The following TCERG1L variants were observed in gnomAD, a reference collection of about 807,000 sequenced individuals.
TCERG1L encodes transcription elongation regulator 1-like protein.
A neutral mutation model predicts 56.3 loss-of-function variants in TCERG1L; 37 were observed. The observed-to-expected ratio is 0.66, with a 90% confidence interval of 0.51 to 0.87. The LOEUF (loss-of-function observed/expected upper bound fraction) is 0.87, where lower values mean the gene tolerates loss of function less well. TCERG1L is among the 40% of genes least tolerant of loss of function. TCERG1L has a pLI of 0.00. For synonymous variants in TCERG1L, 324 were observed against 326.3 expected (o/e 0.99, Z 0.08); for missense variants, 799 against 774.2 (o/e 1.03, Z -0.38).
chr10:131,224,931 G>A lies in TCERG1L; in HGVS notation c.856+35328C>T, dbSNP rs1236684258. On this transcript the variant is annotated intron_variant, in intron 4 of 11. Transcript: ENST00000368642. ...ATAAGTAGAATGTCTCTCTTTACTA[G>A]TGGAGGTAATAATGTAGTTTGTAAT... 2.0e-5 allele frequency among the ~76,000 whole-genome samples: 3 copies of A among 152,204 alleles called. No individual in the cohort carries two copies. In the East Asian group the frequency reaches 5.8e-4, roughly 29 times the overall value.
At position 131,176,845 on chromosome 10, in the gene TCERG1L, C is replaced by CACACAGAG. The variant is rs766078845; in HGVS notation, c.857-9961_857-9960insCTCTGTGT. Among the ~76,000 whole-genome samples the CACACAGAG allele has an allele frequency of 2.1e-3, 18 of 8,618 alleles. 1 individual carries two copies. The highest frequency in any genetic ancestry group is 6.4e-3 in the South Asian group (2 of 312). 5.7% of individuals were successfully genotyped at this position (8,618 alleles called of 152,430 possible). ...ACACAGACACGTGTACACACAGGCA[C>CACACAGAG]ATAGGAACACACAGAGACACGTGCA... On this transcript the variant is annotated intron_variant, in intron 4 of 11. Coordinates refer to ENST00000368642, the MANE Select transcript of TCERG1L (RefSeq NM_174937.4).
chr10:131,179,766 C>T (rs1340015288), intron 4 of TCERG1L, among the ~76,000 whole-genome samples: 2 of 152,126 alleles, frequency 1.3e-5, no homozygotes, highest in East Asian at 3.9e-4. Context: ...CAGCTGCATG[C>T]GTCGCTGACG....
At chr10:131,308,478 A>G (rs1846839592) in intron 2 of TCERG1L, 87 bp from the exon 3 acceptor site, 1 of 1,125,186 alleles carries the variant, frequency 8.9e-7, no homozygotes, top group African/African-American at 1.5e-5. Flanking sequence ...GTGTTGCCTT[A>G]CGTTGATCCA....
chr10:131,119,005 G>C (rs1845487120), intron 8 of TCERG1L, among the ~76,000 whole-genome samples: 1 of 152,136 alleles, frequency 6.6e-6, no homozygotes, highest in Non-Finnish European at 1.5e-5. Context: ...TGTGGCCCAA[G>C]TGGGTCTCCC....
chr10:131,134,561 C>T (rs547500063), intron 7 of TCERG1L, 113 bp from the exon 8 acceptor site: 126 of 775,710 alleles, frequency 1.6e-4, no homozygotes, highest in African/African-American at 6.3e-4. Flanking sequence ...AGACAACAGG[C>T]TTCTCTTAAA....
At chr10:131,307,513 T>C (rs1846828652) in intron 3 of TCERG1L, among the ~76,000 whole-genome samples, 1 of 152,226 alleles carries the variant, frequency 6.6e-6, no homozygotes, top group African/African-American at 2.4e-5. Flanking sequence ...TGGAAGGTGT[T>C]GCACGACAAT....
At chr10:131,140,773 C>T (rs907193111) in intron 7 of TCERG1L, among the ~76,000 whole-genome samples, 6 of 152,134 alleles carry the variant, frequency 3.9e-5, no homozygotes, top group African/African-American at 7.2e-5. Flanking sequence ...GATGGAGAGC[C>T]GGAGCCCTTG....
intron 4 of TCERG1L, among the ~76,000 whole-genome samples, chr10:131,227,745 T>TGAA (rs1265924390): frequency 2.1e-5 from 1 of 46,974 alleles, no homozygotes; most frequent in Non-Finnish European, 4.1e-5. Flanking sequence ...ATACACGTCT[T>TGAA]GATTACAAAA....
intron 7 of TCERG1L, among the ~76,000 whole-genome samples, chr10:131,144,399 G>C (rs1049735621): frequency 3.3e-5 from 5 of 152,116 alleles, no homozygotes; most frequent in African/African-American, 1.2e-4. Flanking sequence ...CTGGTTGCAG[G>C]TCATCAGCTC....
intron 9 of TCERG1L, 22 bp from the exon 10 acceptor site, chr10:131,104,376 A>G (rs767849012): frequency 1.8e-5 from 27 of 1,487,930 alleles, no homozygotes; most frequent in Non-Finnish European, 2.4e-5. Flanking sequence ...TATTCAATAG[A>G]GTTGCTGTTA....
rs1208987950 is a variant in TCERG1L at position 131,308,282 on chromosome 10, A to G, written c.599T>C (p.Val200Ala). The G allele has an allele frequency of 6.2e-7, 1 of 1,614,044 alleles. No individual in the cohort carries two copies. ...KPRLLANQVA[V>A]SLSRPAPASR... The stretch of plus-strand genomic sequence containing the variant: ...GGCAGGAGCCGGCCTGGACAGAGAC[A>G]CAGCTACTTGATTTGCCAGCAAACG... The change falls in exon 3 of 12, where the codon GTG becomes GCG. Residue 200 changes from valine to alanine, a missense_variant. Physicochemically the swap from Val to Ala is moderately conservative, Grantham distance 64 (BLOSUM62 0). Coordinates refer to ENST00000368642, the MANE Select transcript of TCERG1L (RefSeq NM_174937.4).
At chr10:131,217,790 C>T (rs1282258349) in intron 4 of TCERG1L, among the ~76,000 whole-genome samples, 1 of 142,668 alleles carries the variant, frequency 7.0e-6, no homozygotes, top group East Asian at 2.2e-4. Context: ...GGCACAATCT[C>T]GGCTCACTGC....
At position 131,226,358 on chromosome 10, in the gene TCERG1L, T is replaced by G. The variant is rs573912255; in HGVS notation, c.856+33901A>C. 9.8e-5 allele frequency among the ~76,000 whole-genome samples: 15 copies of G among 152,304 alleles called. No individual in the cohort carries two copies. In the South Asian group the frequency reaches 3.1e-3, roughly 32 times the overall value. ...TCCTGAAGTGCTGGGAGTCCAGGTG[T>G]GAGCCTCCATGCCCGGCTACCAATT... On this transcript the variant is annotated intron_variant, in intron 4 of 11. Coordinates refer to ENST00000368642, the MANE Select transcript of TCERG1L (RefSeq NM_174937.4).
chr10:131,244,280 C>G (rs1846004219), intron 4 of TCERG1L, among the ~76,000 whole-genome samples: 1 of 152,126 alleles, frequency 6.6e-6, no homozygotes, highest in African/African-American at 2.4e-5. Flanking sequence ...AAAAGTGTGA[C>G]CGTGAAGCAT....
At position 131,141,062 on chromosome 10, in the gene TCERG1L, C is replaced by G. The variant is rs893176338; in HGVS notation, c.1189+5444G>C. ...AGAGCCGCAGCAGAGCTGCAACTAC[C>G]CCGAATAGGAGATGGACCTGACACG... is the stretch of plus-strand genomic sequence containing the variant. On this transcript the variant is annotated intron_variant, in intron 7 of 11. Transcript: ENST00000368642. 2.0e-5 allele frequency among the ~76,000 whole-genome samples: 3 copies of G among 152,304 alleles called. No individual in the cohort carries two copies. The South Asian group carries it at 6.2e-4, about 32-fold the overall frequency.
intron 3 of TCERG1L, among the ~76,000 whole-genome samples, chr10:131,265,395 A>G (rs1278431946): frequency 1.3e-5 from 2 of 152,250 alleles, no homozygotes; most frequent in African/African-American, 2.4e-5. Flanking sequence ...ATCAGTGAAG[A>G]CAGAAAGTTA....
chr10:131,109,058 C>G (rs996643803), intron 9 of TCERG1L, among the ~76,000 whole-genome samples: 6 of 151,204 alleles, frequency 4.0e-5, no homozygotes, highest in African/African-American at 1.5e-4. Context: ...CCAGGATGAG[C>G]ACAGTGTTGT....
At chr10:131,216,158 G>T (rs1845666985) in intron 4 of TCERG1L, among the ~76,000 whole-genome samples, 1 of 152,226 alleles carries the variant, frequency 6.6e-6, no homozygotes, top group Non-Finnish European at 1.5e-5. Flanking sequence ...TCATCAGCTA[G>T]TCAGTTTCTG....
intron 3 of TCERG1L, among the ~76,000 whole-genome samples, chr10:131,271,451 G>A (rs1846339057): frequency 6.6e-6 from 1 of 152,200 alleles, no homozygotes; most frequent in African/African-American, 2.4e-5. Context: ...AAGGCACGTG[G>A]CTGGAGAGGC....
Sources: gnomAD v4.1 joint callset for allele counts (sites outside exome capture counted in the v4.1 genomes callset) on GRCh38, gnomAD v4.1.1 for gene constraint, MANE v1.5 for transcripts, NCBI Gene and HGNC (gene_info 2026-07-23, HGNC 2026-07-21) for gene names.